CIAPIN1: variants seen among roughly 807,000 people sequenced by gnomAD.
CIAPIN1 encodes cytokine induced apoptosis inhibitor 1.
A neutral mutation model predicts 34.3 loss-of-function variants in CIAPIN1; 18 were observed. The ratio of observed to expected loss-of-function variants is 0.52; its 90% CI spans 0.36 to 0.78. The LOEUF is 0.78. Ranked by LOEUF, CIAPIN1 falls within the 30% of genes least tolerant of loss-of-function variation. CIAPIN1 has a pLI of 0.00. For missense variants in CIAPIN1, 310 were observed against 372.5 expected (o/e 0.83, Z 1.38); for synonymous variants, 131 against 140.4 (o/e 0.93, Z 0.47).
rs1902997186 is a variant in CIAPIN1, at chr16:57,428,188, A to G, written c.*982T>C. The G allele has an allele frequency of 1.3e-5, 2 of 152,260 alleles. No homozygotes were observed. The highest frequency in any genetic ancestry group is 2.9e-5 in the Non-Finnish European group (2 of 68,048). 9.4% of individuals were successfully genotyped at this position (152,260 alleles called of 1,614,324 possible). A position where few individuals can be genotyped will look rare whatever the true frequency, so the allele number is the denominator to read the frequency against. ...ATCAAATCAAGTTTCAAGGACAGAT[A>G]TCAATGAAAACTTTTATTTACTGGT... On this transcript the variant is annotated 3_prime_UTR_variant, in exon 9 of 9. Transcript: ENST00000394391.
chr16:57,447,253 G>A, intron 1 of CIAPIN1, 89 bp downstream of exon 1: 3 of 379,790 alleles, frequency 7.9e-6, no homozygotes, highest in Non-Finnish European at 9.3e-6. Context: ...GGGGTGGGAA[G>A]AGAAAATGAG....
chr16:57,445,834 GTTTTTTTTTTTTTTTT>G lies in CIAPIN1; in HGVS notation c.-56+1492_-56+1507del, dbSNP rs751037117. On this transcript the variant is annotated intron_variant, in intron 1 of 8. Transcript: ENST00000394391. ...AGACACTTAGACTAAGACCTTAGAG[GTTTTTTTTTTTTTTTT>G]TTTTTTTTTTTTTTTGGCAGAGTCT... 2.1e-4 allele frequency among the ~76,000 whole-genome samples: 15 copies of G among 70,494 alleles called. No individual in the cohort carries two copies. In the East Asian group the frequency reaches 5.0e-3, roughly 23 times the overall value. The allele number at this position is 70,494 out of a possible 152,430, so 46.2% of individuals were successfully genotyped here.
In CIAPIN1 at chr16:57,447,324, G is replaced by A. The variant is rs149254193; in HGVS notation, c.-56+18C>T. The stretch of plus-strand genomic sequence containing the variant: ...GTTGAGGGAGCTCTGGCGCTCAGCT[G>A]GCCCCCACCACTCTCACCTGCCGCC... On this transcript the variant is annotated intron_variant, in intron 1 of 8. Transcript: ENST00000394391. The A allele has an allele frequency of 1.4e-5, 6 of 444,006 alleles. No homozygotes were observed. The highest frequency in any genetic ancestry group is 1.2e-4 in the African/African-American group (6 of 49,510). The allele number at this position is 444,006 out of a possible 1,614,324, so 27.5% of individuals were successfully genotyped here.
At chr16:57,440,069 C>G (rs1167326992) in intron 2 of CIAPIN1, among the ~76,000 whole-genome samples, 3 of 152,082 alleles carry the variant, frequency 2.0e-5, no homozygotes, top group Non-Finnish European at 2.9e-5. Flanking sequence ...AAGGAACAGC[C>G]CTGAGAAAGA....
chr16:57,442,073 C>A (rs1358919971), intron 1 of CIAPIN1, among the ~76,000 whole-genome samples: 2 of 152,200 alleles, frequency 1.3e-5, no homozygotes, highest in African/African-American at 2.4e-5. Flanking sequence ...CGGCTGGGCA[C>A]AGTGGCTCAC....
In CIAPIN1 at chr16:57,441,000, TG is replaced by T; in HGVS notation, c.-55-18del. On this transcript the variant is annotated intron_variant, in intron 1 of 8. Transcript: ENST00000394391. ...GAATCAAGACTGGGCAGAGACAAAGTGCAATTTAATCTGTGAGATATCATAA... is the reference window on the plus strand; with the variant it reads ...GAATCAAGACTGGGCAGAGACAAAGTCAATTTAATCTGTGAGATATCATAA... 2.0e-6 allele frequency: 3 copies of T among 1,491,854 alleles called. No individual in the cohort carries two copies. Among genetic ancestry groups the T allele is most frequent in the South Asian group, 2.4e-5 (2 of 82,060 alleles). The allele number at this position is 1,491,854 out of a possible 1,614,324, so 92.4% of individuals were successfully genotyped here.
At chr16:57,432,415 G>T in intron 6 of CIAPIN1, 72 bp downstream of exon 6, 1 of 1,291,144 alleles carries the variant, frequency 7.7e-7, no homozygotes, top group Non-Finnish European at 1.1e-6. Context: ...AGTCCAGAAA[G>T]GTCACTATAG....
At chr16:57,432,666 T>C (rs1489799898) in intron 5 of CIAPIN1, 106 bp from the exon 6 acceptor site, 6 of 1,031,778 alleles carry the variant, frequency 5.8e-6, no homozygotes, top group Non-Finnish European at 8.5e-6. Context: ...CACACTGGCC[T>C]GGGAGGCAGA....
intron 3 of CIAPIN1, among the ~76,000 whole-genome samples, chr16:57,438,418 G>A (rs1361799509): frequency 1.3e-5 from 2 of 151,914 alleles, no homozygotes; most frequent in Non-Finnish European, 2.9e-5. Flanking sequence ...ACAGGAAGTT[G>A]GAAAAAACAA....
intron 2 of CIAPIN1, 58 bp from the exon 3 acceptor site, chr16:57,439,392 C>T: frequency 1.9e-6 from 3 of 1,586,562 alleles, no homozygotes; most frequent in Non-Finnish European, 2.6e-6. Context: ...TCTCCTGGTC[C>T]CTTCCAACCC....
chr16:57,430,228 T>C, intron 8 of CIAPIN1, 30 bp downstream of exon 8: 1 of 1,599,270 alleles, frequency 6.3e-7, no homozygotes, highest in South Asian at 1.1e-5. Context: ...TGGGGGTTTG[T>C]GAATGCTGAG....
At position 57,436,727 on chromosome 16, in the gene CIAPIN1, T is replaced by C. The variant is rs751167560; in HGVS notation, c.316A>G (p.Asn106Asp). ...TTAGATGCTGTCTTCACTTTGCTAT[T>C]GTTATCTGCCAAAAGGAAAATCCCA... ...KEPVETAVDN[N>D]SKVKTASKLC... is the part of the protein sequence containing the mutation. Residue 106 changes from asparagine (N) to aspartate (D), a missense_variant, in exon 4 of 9, where the codon AAT becomes GAT. Transcript: ENST00000394391. 1 of 1,613,606 alleles carries C rather than the reference T, an allele frequency of 6.2e-7. No individual in the cohort carries two copies. Among genetic ancestry groups the C allele is most frequent in the South Asian group, 1.1e-5 (1 of 91,044 alleles).
At chr16:57,430,759 A>G (rs796351283) in intron 7 of CIAPIN1, 3 of 236,114 alleles carry the variant, frequency 1.3e-5, no homozygotes, top group South Asian at 1.8e-4. Context: ...TTAACTTTCT[A>G]CAATCCTTCC....
At chr16:57,444,995 A>T (rs918005307) in intron 1 of CIAPIN1, among the ~76,000 whole-genome samples, 34 of 152,216 alleles carry the variant, frequency 2.2e-4, no homozygotes, top group African/African-American at 8.2e-4. Context: ...CTAAAATGTT[A>T]CTGGCAGGCA....
chr16:57,435,591 G>C (rs1328531659), intron 4 of CIAPIN1, among the ~76,000 whole-genome samples: 1 of 152,188 alleles, frequency 6.6e-6, no homozygotes, highest in Non-Finnish European at 1.5e-5. Context: ...TCAGGAGTTA[G>C]AGAACGGCCT....
At chr16:57,432,788 C>T (rs1903118668) in intron 5 of CIAPIN1, among the ~76,000 whole-genome samples, 2 of 152,196 alleles carry the variant, frequency 1.3e-5, no homozygotes, top group African/African-American at 4.8e-5. Context: ...TTGCACCAGG[C>T]ACCATATTAA....
At chr16:57,437,420 G>A (rs1903228382) in intron 3 of CIAPIN1, among the ~76,000 whole-genome samples, 1 of 152,050 alleles carries the variant, frequency 6.6e-6, no homozygotes, top group Non-Finnish European at 1.5e-5. Context: ...TAGGTTAGAT[G>A]AATTACATGC....
intron 1 of CIAPIN1, among the ~76,000 whole-genome samples, chr16:57,443,154 G>C (rs1176702770): frequency 6.7e-6 from 1 of 148,216 alleles, no homozygotes; most frequent in African/African-American, 2.5e-5. Flanking sequence ...TTTTTTGCGG[G>C]GGTGGTGGGG....
At position 57,439,310 on chromosome 16, in the gene CIAPIN1, T is replaced by G. The variant is rs1424067607; in HGVS notation, c.182A>C (p.Asp61Ala). 6.2e-7 allele frequency: 1 copy of G among 1,614,130 alleles called. No individual in the cohort carries two copies. Among genetic ancestry groups the G allele is most frequent in the East Asian group, 2.2e-5 (1 of 44,884 alleles). ...LQSAHKESSF[D>A]IILSGLVPGS... ...TGGGACTAAACCTGACAAAATAATG[T>G]CAAAGCTGGATTCTTTGTGGGCAGC... The change falls in exon 3 of 9, where the codon GAC becomes GCC. Residue 61 changes from aspartate (D) to alanine (A), a missense_variant. Transcript: ENST00000394391.
Sources: allele counts gnomAD v4.1 joint callset (sites outside exome capture counted in the v4.1 genomes callset), GRCh38; gene constraint gnomAD v4.1.1; transcripts MANE v1.5; gene names NCBI Gene and HGNC (gene_info 2026-07-23, HGNC 2026-07-21).